The following TMIGD1 variants were observed in gnomAD, a reference collection of about 807,000 sequenced individuals.
TMIGD1 encodes the protein transmembrane and immunoglobulin domain containing 1.
TMIGD1 carries 29 observed loss-of-function variants against 27.5 expected under a neutral mutation model. The ratio of observed to expected loss-of-function variants is 1.05; its 90% confidence interval spans 0.78 to 1.44. The LOEUF (loss-of-function observed/expected upper bound fraction) is 1.44. Ranked by LOEUF, TMIGD1 falls within the 40% of genes most tolerant of loss-of-function variation. The probability of loss-of-function intolerance (pLI) is 0.00; values close to 1 mark genes in which losing one functional copy is unlikely to be tolerated. For missense variants in TMIGD1, 334 were observed against 310.6 expected (o/e 1.08, Z -0.57); for synonymous variants, 109 against 110.3 (o/e 0.99, Z 0.07).
intron 1 of TMIGD1, 71 bp from the exon 2 acceptor site, chr17:30,332,229 A>G (rs1910005171): frequency 3.6e-6 from 3 of 838,054 alleles, no homozygotes; most frequent in Non-Finnish European, 5.7e-6. Context: ...CCTTCTGTCT[A>G]TTATGCATTT....
chr17:30,332,181 G>C (rs748330145), intron 1 of TMIGD1, 23 bp from the exon 2 acceptor site: 149 of 1,496,442 alleles, frequency 1.0e-4, no homozygotes, highest in Non-Finnish European at 1.3e-4. Context: ...TAGTGCAGTT[G>C]GTTTTGTACT....
chr17:30,328,984 A>G (rs1156341564), intron 3 of TMIGD1, among the ~76,000 whole-genome samples: 1 of 146,062 alleles, frequency 6.8e-6, no homozygotes, highest in East Asian at 2.0e-4. Context: ...AAAAAAAAAG[A>G]AAGAAAGAAA....
chr17:30,320,383 G>T (rs1026189967), intron 4 of TMIGD1, among the ~76,000 whole-genome samples: 1 of 152,024 alleles, frequency 6.6e-6, no homozygotes, highest in Non-Finnish European at 1.5e-5. Flanking sequence ...GCCTGTGTTT[G>T]CAAGCTTTCT....
rs1287374295 is a variant in TMIGD1, at chr17:30,318,704, T to G, written c.744+106A>C. 3 of 719,364 alleles carry G rather than the reference T, an allele frequency of 4.2e-6. No individual in the cohort carries two copies. In the African/African-American group the frequency reaches 5.3e-5, roughly 13 times the overall value. The allele number at this position is 719,364 out of a possible 1,614,324, so 44.6% of individuals were successfully genotyped here. ...GATCTCATGGTATAAAGACCAGATTTGACTTTGCCAAGAAGGGTTCCTAAC... is the reference window on the plus strand; with the variant it reads ...GATCTCATGGTATAAAGACCAGATTGGACTTTGCCAAGAAGGGTTCCTAAC... On this transcript the variant is annotated intron_variant, in intron 5 of 6. Transcript: ENST00000328886.
At chr17:30,318,352 C>T (rs910947706) in intron 5 of TMIGD1, among the ~76,000 whole-genome samples, 13 of 152,140 alleles carry the variant, frequency 8.5e-5, no homozygotes, top group African/African-American at 2.2e-4. Context: ...TACCAACCAA[C>T]GAGGATAACC....
chr17:30,317,708 TGAG>T lies in TMIGD1; in HGVS notation c.745-478_745-476del, dbSNP rs1000108243. ...CTGGGAGGTGGAGCTTGCAGTGAGC[TGAG>T]ATCACGCCACTGCACTCCAGCCAGG... On this transcript the variant is annotated intron_variant, in intron 5 of 6. Transcript: ENST00000328886. Among the ~76,000 whole-genome samples the T allele has an allele frequency of 6.0e-4, 90 of 150,532 alleles. 1 individual carries two copies. Among genetic ancestry groups the T allele is most frequent in the African/African-American group, 2.1e-3 (86 of 40,876 alleles).
chr17:30,329,186 C>G (rs527282812), intron 3 of TMIGD1, 65 bp downstream of exon 3: 2 of 1,563,868 alleles, frequency 1.3e-6, no homozygotes, highest in South Asian at 2.4e-5. Context: ...ACCTAGATTT[C>G]AACTACCACT....
Position 30,325,088 on chromosome 17 carries a change from G to C in TMIGD1, c.368C>G (p.Pro123Arg). 6.2e-7 allele frequency: 1 copy of C among 1,609,930 alleles called. No homozygotes were observed. The change falls in exon 4 of 7, where the codon CCT becomes CGT. Residue 123 changes from proline to arginine, a missense_variant. Physicochemically the swap from Pro to Arg is moderately radical, Grantham distance 103. Transcript: ENST00000328886. The stretch of plus-strand genomic sequence containing the variant: ...TTGGAAGTCGTTTCCACTTAGGAGA[G>C]GAGGAACTGCAAGACTCAAGCATTT... ...VSVVLNVTFP[P>R]LLSGNDFQTV...
chr17:30,329,999 C>G (rs1032414641), intron 2 of TMIGD1, among the ~76,000 whole-genome samples: 1 of 152,040 alleles, frequency 6.6e-6, no homozygotes, highest in Non-Finnish European at 1.5e-5. Context: ...GTGGGAGACT[C>G]GCTTGAGCCC....
In TMIGD1 at chr17:30,317,198, T is replaced by A; in HGVS notation, c.780A>T (p.Thr260=). 6.2e-7 allele frequency: 1 copy of A among 1,614,090 alleles called. No individual in the cohort carries two copies. The highest frequency in any genetic ancestry group is 8.5e-7 in the Non-Finnish European group (1 of 1,179,950). The change falls in exon 6 of 7, where the codon ACA becomes ACT. Residue 260 remains threonine, a synonymous_variant. Coordinates refer to ENST00000328886, the MANE Select transcript of TMIGD1 (RefSeq NM_206832.3). ...TCCCGGCCTAGAGTACTTACAGAGC[T>A]GTTTCACTGTGAGGGTCTTTATCCT... ...CMKDKDPHSE[T]AL
chr17:30,329,553 T>G (rs1444197130), intron 2 of TMIGD1, 24 bp from the exon 3 acceptor site: 3 of 1,596,872 alleles, frequency 1.9e-6, no homozygotes, highest in Admixed American at 3.4e-5. Context: ...GAGAAACTAT[T>G]TAGATATACA....
intron 4 of TMIGD1, among the ~76,000 whole-genome samples, chr17:30,319,262 ATAT>A (rs1410496153): frequency 9.4e-5 from 7 of 74,746 alleles, no homozygotes; most frequent in African/African-American, 5.8e-4. Flanking sequence ...AAAAAAAAAA[ATAT>A]ATATATATAT....
intron 2 of TMIGD1, among the ~76,000 whole-genome samples, chr17:30,330,248 A>G (rs1363690188): frequency 1.3e-5 from 2 of 151,460 alleles, no homozygotes; most frequent in East Asian, 1.9e-4. Flanking sequence ...TCATACACAT[A>G]TGTGTGTATG....
intron 5 of TMIGD1, among the ~76,000 whole-genome samples, chr17:30,318,168 TTTC>T (rs1909482972): frequency 1.3e-5 from 2 of 152,100 alleles, no homozygotes; most frequent in East Asian, 3.9e-4. Flanking sequence ...GTGGAGTGAA[TTTC>T]TTCTTGAGAG....
At position 30,324,811 on chromosome 17, in the gene TMIGD1, A is replaced by G. The variant is rs2143157010; in HGVS notation, c.640+5T>C. The G allele has an allele frequency of 6.2e-7, 1 of 1,613,340 alleles. No individual in the cohort carries two copies. The highest frequency in any genetic ancestry group is 1.1e-5 in the South Asian group (1 of 91,078). On this transcript the variant is annotated splice_donor_5th_base_variant and intron_variant, in intron 4 of 6. Transcript: ENST00000328886. ...GTGCTGGGTATTACTTAAAAAGAGC[A>G]TTACCTTTAACAATCAGGTGAAAGT... is the stretch of plus-strand genomic sequence containing the variant.
At chr17:30,320,792 G>A (rs977421986) in intron 4 of TMIGD1, among the ~76,000 whole-genome samples, 2 of 152,082 alleles carry the variant, frequency 1.3e-5, no homozygotes, top group African/African-American at 2.4e-5. Context: ...AGGAGTTCAG[G>A]GCTATAGCAC....
intron 4 of TMIGD1, among the ~76,000 whole-genome samples, chr17:30,321,386 T>G (rs1014233018): frequency 3.9e-5 from 6 of 152,226 alleles, no homozygotes; most frequent in African/African-American, 1.4e-4. Context: ...TGGATTCTGA[T>G]GCCATCCAAC....
At chr17:30,319,429 C>CAAA (rs1286864435) in intron 4 of TMIGD1, among the ~76,000 whole-genome samples, 184 of 40,740 alleles carry the variant, frequency 4.5e-3, no homozygotes, top group Non-Finnish European at 7.8e-3. Flanking sequence ...TCTCTGTCTC[C>CAAA]AAAAAAAAAA....
chr17:30,319,055 C>A (rs1422913258), intron 4 of TMIGD1, 142 bp from the exon 5 acceptor site: 1 of 636,712 alleles, frequency 1.6e-6, no homozygotes, highest in Non-Finnish European at 2.8e-6. Flanking sequence ...TATGATTGTC[C>A]TCATTTCACA....
Sources: gnomAD v4.1 joint callset for allele counts (sites outside exome capture counted in the v4.1 genomes callset) on GRCh38, gnomAD v4.1.1 for gene constraint, MANE v1.5 for transcripts, NCBI Gene and HGNC (gene_info 2026-07-23, HGNC 2026-07-21) for gene names.